The following TRAPPC9 variants were observed in gnomAD, a reference collection of about 807,000 sequenced individuals.
TRAPPC9 encodes the protein trafficking protein particle complex subunit 9, also known as IKK2 binding protein.
In TRAPPC9, 83 loss-of-function variants were observed where a neutral mutation model predicts 124.0. The observed-to-expected ratio is 0.67, with a 90% CI of 0.56 to 0.80. The LOEUF (loss-of-function observed/expected upper bound fraction) is 0.80. TRAPPC9 is among the 30% of genes least tolerant of loss of function. The probability of loss-of-function intolerance (pLI) is 0.00; values close to 1 mark genes in which losing one functional copy is unlikely to be tolerated. For missense variants in TRAPPC9, 1,302 were observed against 1,508.3 expected, an observed-to-expected ratio of 0.86 and a Z score of 2.27; for synonymous variants, 638 against 617.5, an observed-to-expected ratio of 1.03 and a Z score of -0.49.
In TRAPPC9 at chr8:140,432,435, G is replaced by A. The variant is rs542996839; in HGVS notation, c.859+2677C>T. 1.1e-4 allele frequency among the ~76,000 whole-genome samples: 16 copies of A among 152,290 alleles called. No homozygotes were observed. In the South Asian group the frequency reaches 3.3e-3, roughly 32 times the overall value. The stretch of plus-strand genomic sequence containing the variant: ...AACAGGAAGAAAACTCGAGCATCTG[G>A]CCCACTCTCTTCATTCTACAGGTAG... On this transcript the variant is annotated intron_variant, in intron 4 of 22. Transcript: ENST00000438773.
chr8:140,009,607 T>G (rs368805827), intron 18 of TRAPPC9, among the ~76,000 whole-genome samples: 10 of 152,310 alleles, frequency 6.6e-5, no homozygotes, highest in African/African-American at 2.4e-4. Flanking sequence ...ATGTTTGTTC[T>G]GAGGATATCC....
At chr8:140,236,169 G>A (rs1285181416) in intron 16 of TRAPPC9, among the ~76,000 whole-genome samples, 3 of 137,326 alleles carry the variant, frequency 2.2e-5, no homozygotes, top group Non-Finnish European at 3.0e-5. Context: ...TGCAACCTCC[G>A]CCTCCCAGGC....
At chr8:140,101,301 A>G (rs1288853311) in intron 17 of TRAPPC9, among the ~76,000 whole-genome samples, 2 of 151,894 alleles carry the variant, frequency 1.3e-5, no homozygotes, top group Non-Finnish European at 2.9e-5. Context: ...TACGATGCCT[A>G]ATTTTTGTAT....
intron 21 of TRAPPC9, among the ~76,000 whole-genome samples, chr8:139,819,040 C>G (rs999531875): frequency 6.6e-6 from 1 of 152,172 alleles, no homozygotes; most frequent in East Asian, 1.9e-4. Flanking sequence ...AGGAGGTGAG[C>G]GGCGGGTGAA....
intron 19 of TRAPPC9, among the ~76,000 whole-genome samples, chr8:139,963,749 CAAAAA>C (rs58224556): frequency 0.036 from 3,856 of 106,606 alleles, 62 homozygotes; most frequent in East Asian, 0.24. Flanking sequence ...CCAGTTCTAC[CAAAAA>C]AAAAAAAAAA....
chr8:139,860,990 C>T (rs945915437), intron 21 of TRAPPC9, among the ~76,000 whole-genome samples: 2 of 152,268 alleles, frequency 1.3e-5, no homozygotes, highest in African/African-American at 2.4e-5. Flanking sequence ...CACAGGCTGG[C>T]GCCTACCGGC....
At chr8:140,244,860 G>A (rs897108052) in intron 16 of TRAPPC9, among the ~76,000 whole-genome samples, 2 of 134,208 alleles carry the variant, frequency 1.5e-5, no homozygotes, top group African/African-American at 5.8e-5. Flanking sequence ...AGGCTGGAGT[G>A]CAGTGGCGCA....
intron 19 of TRAPPC9, among the ~76,000 whole-genome samples, chr8:139,936,139 C>T (rs1331416246): frequency 6.6e-6 from 1 of 152,260 alleles, no homozygotes; most frequent in African/African-American, 2.4e-5. Flanking sequence ...GGATTCCCGG[C>T]ATCCCTAACT....
At chr8:140,090,735 A>G (rs1396699492) in intron 17 of TRAPPC9, among the ~76,000 whole-genome samples, 1 of 152,256 alleles carries the variant, frequency 6.6e-6, no homozygotes, top group African/African-American at 2.4e-5. Context: ...TAAGGAGGGT[A>G]AAGAGCTGGG....
At position 140,217,665 on chromosome 8, in the gene TRAPPC9, G is replaced by GT. The variant is rs547794281; in HGVS notation, c.2556+3793dup. 7.2e-3 allele frequency among the ~76,000 whole-genome samples: 1,089 copies of GT among 152,246 alleles called. 5 individuals carry two copies. Among genetic ancestry groups the GT allele is most frequent in the Non-Finnish European group, 0.01 (690 of 68,000 alleles). On this transcript the variant is annotated intron_variant, in intron 17 of 22. Transcript: ENST00000438773. ...CTGCCTGTGCCAGTGAATCCCTACCGTAACAAGGAACACAGATCGTGAAAG... is the reference window on the plus strand; with the variant it reads ...CTGCCTGTGCCAGTGAATCCCTACCGTTAACAAGGAACACAGATCGTGAAAG...
intron 21 of TRAPPC9, among the ~76,000 whole-genome samples, chr8:139,871,754 A>G (rs1399408246): frequency 6.6e-6 from 1 of 152,152 alleles, no homozygotes; most frequent in Non-Finnish European, 1.5e-5. Flanking sequence ...TTCAATAGCA[A>G]TTTGCTGGAT....
At chr8:140,361,693 T>C (rs1222699729) in intron 8 of TRAPPC9, among the ~76,000 whole-genome samples, 1 of 152,198 alleles carries the variant, frequency 6.6e-6, no homozygotes, top group Non-Finnish European at 1.5e-5. Flanking sequence ...TCCTCCATTT[T>C]TTTAAATCCC....
intron 21 of TRAPPC9, among the ~76,000 whole-genome samples, chr8:139,765,302 C>A (rs749873688): frequency 2.6e-5 from 4 of 152,212 alleles, no homozygotes; most frequent in Non-Finnish European, 4.4e-5. Flanking sequence ...AAGAAGACCC[C>A]ACTGAATGGG....
At chr8:139,836,153 C>T (rs749273484) in intron 21 of TRAPPC9, among the ~76,000 whole-genome samples, 1 of 152,132 alleles carries the variant, frequency 6.6e-6, no homozygotes, top group Non-Finnish European at 1.5e-5. Context: ...GAATTACAGG[C>T]ACCCACCGCC....
At chr8:140,393,010 G>T (rs2068972473) in intron 7 of TRAPPC9, among the ~76,000 whole-genome samples, 2 of 139,248 alleles carry the variant, frequency 1.4e-5, no homozygotes, top group South Asian at 4.5e-4. Context: ...AGAAAGAAGT[G>T]AATATTATCA....
chr8:140,237,221 A>G (rs1305197599), intron 16 of TRAPPC9, among the ~76,000 whole-genome samples: 1 of 151,586 alleles, frequency 6.6e-6, no homozygotes, highest in African/African-American at 2.4e-5. Flanking sequence ...TTGATGTGGA[A>G]GATCATCAGA....
rs537148548 is a variant in TRAPPC9 at position 140,014,601 on chromosome 8, G to A, written c.2699+9336C>T. Among the ~76,000 whole-genome samples the A allele has an allele frequency of 5.9e-5, 9 of 152,190 alleles. No individual in the cohort carries two copies. The South Asian group carries it at 1.7e-3, about 28-fold the overall frequency. The stretch of plus-strand genomic sequence containing the variant: ...CTAGGGAGTGCAGAGACCAAGCTGC[G>A]GCAGAGAAACACACTCCTCCAAAGA... On this transcript the variant is annotated intron_variant, in intron 18 of 22. Coordinates refer to ENST00000438773, the MANE Select transcript of TRAPPC9 (RefSeq NM_001160372.4).
At chr8:139,803,298 C>T (rs1259262840) in intron 21 of TRAPPC9, among the ~76,000 whole-genome samples, 2 of 152,222 alleles carry the variant, frequency 1.3e-5, no homozygotes, top group African/African-American at 2.4e-5. Context: ...AGGCAACGTC[C>T]GTTGGAAACT....
rs777722019 is a variant in TRAPPC9, at chr8:140,371,069, C to T, written c.1246G>A (p.Val416Met). The T allele has an allele frequency of 1.8e-5, 29 of 1,614,128 alleles. No individual in the cohort carries two copies. Among genetic ancestry groups the T allele is most frequent in the East Asian group, 8.9e-5 (4 of 44,902 alleles). Residue 416 changes from valine (V) to methionine (M), a missense_variant, in exon 8 of 23, where the codon GTG becomes ATG. By Grantham distance (21) the Val-to-Met change is conservative. Around this residue, in one of 3 missense-constraint regions of TRAPPC9, gnomAD observed 657 missense variants for 811.2 expected, o/e 0.81. Transcript: ENST00000438773. The part of the protein sequence containing the change: ...FFKRVAAMQC[V>M]APSIAEPGWR... The stretch of plus-strand genomic sequence containing the variant: ...CCAGGCTCCGCGATGCTTGGGGCCA[C>T]GCACTGCATGGCGGCCACGCGCTTG...
Sources: gnomAD v4.1 joint callset for allele counts (sites outside exome capture counted in the v4.1 genomes callset) on GRCh38, gnomAD v4.1.1 for gene constraint, gnomAD v4.1.1 regional missense constraint, MANE v1.5 for transcripts, NCBI Gene and HGNC (gene_info 2026-07-23, HGNC 2026-07-21) for gene names.